LRP1B: variants seen among roughly 807,000 people sequenced by gnomAD.
The protein encoded by LRP1B is LDL receptor related protein 1B.
In LRP1B, 217 loss-of-function variants were observed where a neutral mutation model predicts 556.6. That is an observed-to-expected ratio of 0.39 (90% CI 0.35 to 0.44). The LOEUF (loss-of-function observed/expected upper bound fraction) is 0.44. Among genes scored for constraint, LRP1B ranks in the 20% least tolerant of loss-of-function variants. LRP1B has a pLI of 1.00. For missense variants in LRP1B, 5,053 were observed against 5,620.8 expected, an observed-to-expected ratio of 0.90 and a Z score of 3.23; for synonymous variants, 2,047 against 1,865.8, an observed-to-expected ratio of 1.10 and a Z score of -2.50.
At chr2:142,084,173 G>T (rs1239516098) in intron 1 of LRP1B, among the ~76,000 whole-genome samples, 1 of 151,956 alleles carries the variant, frequency 6.6e-6, no homozygotes, top group Non-Finnish European at 1.5e-5. Flanking sequence ...GTAGAGACTG[G>T]GTTTCACCAT....
At chr2:141,228,169 G>C (rs1361373330) in intron 6 of LRP1B, among the ~76,000 whole-genome samples, 1 of 152,040 alleles carries the variant, frequency 6.6e-6, no homozygotes, top group Non-Finnish European at 1.5e-5. Context: ...CACCCACCTT[G>C]GCCTCCCAAA....
intron 41 of LRP1B, among the ~76,000 whole-genome samples, chr2:140,618,933 A>G (rs941778656): frequency 6.6e-6 from 1 of 152,052 alleles, no homozygotes; most frequent in Non-Finnish European, 1.5e-5. Flanking sequence ...GGGACCTCTA[A>G]TTCCTGCACT....
chr2:140,759,295 T>C (rs1454355065), intron 35 of LRP1B, among the ~76,000 whole-genome samples: 1 of 152,166 alleles, frequency 6.6e-6, no homozygotes, highest in Non-Finnish European at 1.5e-5. Flanking sequence ...TGTATAACTC[T>C]AAAATACTCC....
chr2:141,895,845 G>C (rs1030059084), intron 1 of LRP1B, among the ~76,000 whole-genome samples: 1 of 151,982 alleles, frequency 6.6e-6, no homozygotes, highest in Non-Finnish European at 1.5e-5. Flanking sequence ...TTTCCGACCT[G>C]CCCTGTGCCC....
intron 41 of LRP1B, among the ~76,000 whole-genome samples, chr2:140,633,087 GA>G (rs1411768054): frequency 2.0e-5 from 3 of 149,236 alleles, no homozygotes; most frequent in Non-Finnish European, 4.5e-5. Context: ...AAAAAGAAAA[GA>G]AAAAAGAAAC....
At chr2:141,018,929 T>TA (rs1417200679) in intron 12 of LRP1B, among the ~76,000 whole-genome samples, 1 of 152,046 alleles carries the variant, frequency 6.6e-6, no homozygotes, top group African/African-American at 2.4e-5. Context: ...TCTCGGTTTA[T>TA]AAGGGATTCA....
At chr2:140,898,220 A>G (rs141770703) in intron 23 of LRP1B, among the ~76,000 whole-genome samples, 1 of 152,236 alleles carries the variant, frequency 6.6e-6, no homozygotes, top group African/African-American at 2.4e-5. Flanking sequence ...TACTTCATTG[A>G]GCCTAAGTAT....
intron 1 of LRP1B, among the ~76,000 whole-genome samples, chr2:141,949,218 T>C (rs1237322758): frequency 6.6e-6 from 1 of 152,148 alleles, no homozygotes; most frequent in East Asian, 1.9e-4. Flanking sequence ...AAGAAGTATG[T>C]AAGGGCTAGC....
intron 1 of LRP1B, among the ~76,000 whole-genome samples, chr2:141,997,710 A>G (rs1032345288): frequency 4.6e-5 from 7 of 150,830 alleles, no homozygotes; most frequent in African/African-American, 1.7e-4. Context: ...TCTTGTTAAG[A>G]AAAGAGTACT....
chr2:141,183,192 T>C (rs766519711), intron 7 of LRP1B, among the ~76,000 whole-genome samples: 1 of 151,968 alleles, frequency 6.6e-6, no homozygotes, highest in Non-Finnish European at 1.5e-5. Flanking sequence ...AGTGCATTAG[T>C]TAGTGACAGT....
At chr2:141,806,757 T>C (rs1410444225) in intron 2 of LRP1B, among the ~76,000 whole-genome samples, 3 of 152,096 alleles carry the variant, frequency 2.0e-5, no homozygotes, top group African/African-American at 7.2e-5. Context: ...CTTATTGTTC[T>C]GTACATATGT....
chr2:141,294,900 G>C (rs949124826), intron 3 of LRP1B, among the ~76,000 whole-genome samples: 38 of 151,712 alleles, frequency 2.5e-4, no homozygotes, highest in African/African-American at 8.7e-4. Flanking sequence ...AATTATATTT[G>C]TTAAAAAATT....
At chr2:140,952,338 C>T (rs1695741861) in intron 18 of LRP1B, among the ~76,000 whole-genome samples, 1 of 151,966 alleles carries the variant, frequency 6.6e-6, no homozygotes, top group Admixed American at 6.6e-5. Context: ...AAGGCCTTTT[C>T]TGAATACAGA....
intron 41 of LRP1B, among the ~76,000 whole-genome samples, chr2:140,604,645 A>T (rs1246771507): frequency 6.6e-6 from 1 of 152,144 alleles, no homozygotes; most frequent in Non-Finnish European, 1.5e-5. Context: ...CACGTCCATT[A>T]AACACTGGTA....
intron 3 of LRP1B, among the ~76,000 whole-genome samples, chr2:141,281,192 G>C (rs184557508): frequency 1.5e-4 from 23 of 151,864 alleles, no homozygotes; most frequent in South Asian, 8.3e-4. Flanking sequence ...GGCAGCAAAG[G>C]GTACCTTGAT....
At chr2:140,980,018 A>C (rs1696720964) in intron 18 of LRP1B, among the ~76,000 whole-genome samples, 1 of 152,080 alleles carries the variant, frequency 6.6e-6, no homozygotes, top group Admixed American at 6.6e-5. Flanking sequence ...TTAGATTATT[A>C]TATAAAATTT....
rs562835250 is a variant in LRP1B at position 141,332,926 on chromosome 2, C to G, written c.344-78285G>C. The stretch of plus-strand genomic sequence containing the variant: ...GCATTCTTTTTGATTCATTAGAAGG[C>G]AAATCACCTTGATTTTCATATTGCT... On this transcript the variant is annotated intron_variant, in intron 3 of 90. Transcript: ENST00000389484. Among the ~76,000 whole-genome samples the G allele has an allele frequency of 4.6e-5, 7 of 152,032 alleles. No individual in the cohort carries two copies. The East Asian group carries it at 1.4e-3, about 29-fold the overall frequency.
At chr2:141,075,295 A>G (rs1302852702) in intron 7 of LRP1B, among the ~76,000 whole-genome samples, 1 of 152,098 alleles carries the variant, frequency 6.6e-6, no homozygotes, top group Non-Finnish European at 1.5e-5. Flanking sequence ...TTAAAACTGA[A>G]TAGAGATAAA....
chr2:140,543,780 A>G (rs761860482), intron 43 of LRP1B, among the ~76,000 whole-genome samples: 36 of 152,164 alleles, frequency 2.4e-4, no homozygotes, highest in Non-Finnish European at 4.6e-4. Flanking sequence ...AAAACATTTA[A>G]CAGAATCTAC....
Sources: allele counts gnomAD v4.1 joint callset (sites outside exome capture counted in the v4.1 genomes callset), GRCh38; gene constraint gnomAD v4.1.1; transcripts MANE v1.5; gene names NCBI Gene and HGNC (gene_info 2026-07-23, HGNC 2026-07-21).